The following NR1D1 variants were observed in gnomAD, a reference collection of about 807,000 sequenced individuals.
The protein encoded by NR1D1 is Rev-ErbAalpha.
A neutral mutation model predicts 51.1 loss-of-function variants in NR1D1; 17 were observed. That is an observed-to-expected ratio of 0.33 (90% confidence interval 0.23 to 0.50). The LOEUF is 0.50. Among genes scored for constraint, NR1D1 ranks in the 20% least tolerant of loss-of-function variants. The pLI, the probability that NR1D1 is intolerant of heterozygous loss-of-function variation, is 0.98. For missense variants in NR1D1, 647 were observed against 830.4 expected, an observed-to-expected ratio of 0.78 and a Z score of 2.71; for synonymous variants, 341 against 333.4, an observed-to-expected ratio of 1.02 and a Z score of -0.25.
chr17:40,096,327 C>A, intron 4 of NR1D1, 116 bp downstream of exon 4: 1 of 1,365,358 alleles, frequency 7.3e-7, no homozygotes, highest in Admixed American at 2.0e-5. Flanking sequence ...TGGACATCCC[C>A]TGGCACATGT....
Position 40,093,357 on chromosome 17 carries a change from T to C in NR1D1, c.1646-75A>G. 6.2e-7 allele frequency: 1 copy of C among 1,612,062 alleles called. No individual in the cohort carries two copies. Among genetic ancestry groups the C allele is most frequent in the Non-Finnish European group, 8.5e-7 (1 of 1,179,410 alleles). On this transcript the variant is annotated intron_variant, in intron 7 of 7. Transcript: ENST00000246672. This position sits in a 1 kb window ranked among gnomAD's most constrained non-coding sequence, Gnocchi z 5.9. ...GAGGAACCGGAGGTCTGCGAGGACC[T>C]GGCAGGCAATGCAGCCTCTCCCTGA...
Position 40,094,114 on chromosome 17 carries a change from C to T in NR1D1, c.1443G>A (p.Met481Ile), listed in dbSNP as rs1368606014. Residue 481 changes from methionine (M) to isoleucine (I), a missense_variant, in exon 7 of 8, where the codon ATG (methionine) becomes ATA (isoleucine). Coordinates refer to ENST00000246672, the MANE Select transcript of NR1D1 (RefSeq NM_021724.5). ...CGTTGAACAACGAAGCAAAGCGCAC[C>T]ATCAGCACCTAGGAGGGAAGGGGAA... is the stretch of plus-strand genomic sequence containing the variant. Reference protein sequence around the residue: ...LLKAGTFEVLMVRFASLFNVK... With the variant: ...LLKAGTFEVLIVRFASLFNVK... 1 of 1,613,910 alleles carries T rather than the reference C, an allele frequency of 6.2e-7. No individual in the cohort carries two copies. The highest frequency in any genetic ancestry group is 8.5e-7 in the Non-Finnish European group (1 of 1,180,008).
Position 40,092,949 on chromosome 17 carries a change from G to C in NR1D1, c.*134C>G. ...TTACAAGAAGGCTCAGGGGGCCAGAGGCTCATCTTGGAATATTTTATAACA... is the reference window on the plus strand; with the variant it reads ...TTACAAGAAGGCTCAGGGGGCCAGACGCTCATCTTGGAATATTTTATAACA... On this transcript the variant is annotated 3_prime_UTR_variant, in exon 8 of 8. Coordinates refer to ENST00000246672, the MANE Select transcript of NR1D1 (RefSeq NM_021724.5). The C allele has an allele frequency of 6.5e-7, 1 of 1,549,682 alleles. No individual in the cohort carries two copies. The highest frequency in any genetic ancestry group is 8.7e-7 in the Non-Finnish European group (1 of 1,146,638).
Position 40,095,662 on chromosome 17 carries a change from T to A in NR1D1, c.1030A>T (p.Asn344Tyr). ...TTATGACGCTGGGCAGCCAAGGTGT[T>A]GTTGTCATTGGGGGCAGGTGGGCAG... Reference protein sequence around the residue: ...QGCPPAPNDNNTLAAQRHNEA... With the variant: ...QGCPPAPNDNYTLAAQRHNEA... The change falls in exon 5 of 8, where the codon AAC becomes TAC. Residue 344 changes from asparagine to tyrosine, a missense_variant. By Grantham distance (143) the Asn-to-Tyr change is moderately radical. This residue lies in a region of NR1D1 where 185 missense variants were observed against 176.3 expected (regional missense o/e 1.05). Coordinates refer to ENST00000246672, the MANE Select transcript of NR1D1 (RefSeq NM_021724.5). The A allele has an allele frequency of 6.2e-7, 1 of 1,612,306 alleles. No individual in the cohort carries two copies. Among genetic ancestry groups the A allele is most frequent in the South Asian group, 1.1e-5 (1 of 90,934 alleles).
At chr17:40,099,039 A>G (rs1162578640) in intron 1 of NR1D1, among the ~76,000 whole-genome samples, 2 of 151,376 alleles carry the variant, frequency 1.3e-5, no homozygotes, top group East Asian at 3.9e-4. Flanking sequence ...GCGGACCGGA[A>G]AAGGAGGCAG....
Position 40,095,993 on chromosome 17 carries a change from G to A in NR1D1, c.699C>T (p.Ser233=), listed in dbSNP as rs1341174223. 12 of 1,612,598 alleles carry A rather than the reference G, an allele frequency of 7.4e-6. No homozygotes were observed. Among genetic ancestry groups the A allele is most frequent in the African/African-American group, 2.7e-5 (2 of 74,894 alleles). Residue 233 remains serine, a synonymous_variant, in exon 5 of 8, where the codon AGC becomes AGT. Transcript: ENST00000246672. ...AMNLANNQLS[S]QCPLETSPTQ... Reference sequence around the variant, plus strand: ...TGGGTGAAGTCTCCAGCGGGCACTGGCTGCTCAACTGGTTGTTGGCCAGGT... The same window carrying A: ...TGGGTGAAGTCTCCAGCGGGCACTGACTGCTCAACTGGTTGTTGGCCAGGT...
Position 40,100,087 on chromosome 17 carries a change from G to A in NR1D1, c.8C>T (p.Thr3Ile). ...ACCTGTGTTGTTGTTGGAGTCCAGG[G>A]TCGTCATGTCTTCACCAGCTGAGAG... MTTLDSNNNTGGV... is the reference protein window; with the variant it reads MTILDSNNNTGGV... Residue 3 changes from threonine (T) to isoleucine (I), a missense_variant, in exon 1 of 8, where the codon ACC becomes ATC. Physicochemically the swap from Thr to Ile is moderately conservative, Grantham distance 89 (BLOSUM62 -1). Transcript: ENST00000246672. 6.2e-7 allele frequency: 1 copy of A among 1,611,130 alleles called. No individual in the cohort carries two copies. The highest frequency in any genetic ancestry group is 1.7e-5 in the Admixed American group (1 of 60,028).
Position 40,097,174 on chromosome 17 carries a change from C to CGAGGAAGAT in NR1D1, c.252_260dup (p.Ser91_Ser93dup), listed in dbSNP as rs1987781324. 3 of 1,611,266 alleles carry CGAGGAAGAT rather than the reference C, an allele frequency of 1.9e-6. No individual in the cohort carries two copies. Among genetic ancestry groups the CGAGGAAGAT allele is most frequent in the Non-Finnish European group, 2.5e-6 (3 of 1,178,426 alleles). On this transcript the variant is annotated inframe_insertion, in exon 2 of 8. Transcript: ENST00000246672. The stretch of plus-strand genomic sequence containing the variant: ...TATAGAAGGAGGAGGAGGATGACGA[C>CGAGGAAGAT]GAGGAAGATGAGGAAGAAGGGGAGC...
rs1567658592 is a variant in NR1D1, at chr17:40,093,318, C to T, written c.1646-36G>A. On this transcript the variant is annotated intron_variant, in intron 7 of 7. Transcript: ENST00000246672. The surrounding 1 kb of genome is among the most constrained non-coding windows in gnomAD (Gnocchi z 5.9). Reference sequence around the variant, plus strand: ...GACGACAGCAGTGAGGCGGACTCCCCGAGCTCCTCTGAGGAGGAACCGGAG... The same window carrying T: ...GACGACAGCAGTGAGGCGGACTCCCTGAGCTCCTCTGAGGAGGAACCGGAG... 13 of 1,613,332 alleles carry T rather than the reference C, an allele frequency of 8.1e-6. No homozygotes were observed. Among genetic ancestry groups the T allele is most frequent in the East Asian group, 2.2e-5 (1 of 44,886 alleles).
rs1199095331 is a variant in NR1D1, at chr17:40,095,666, G to A, written c.1026C>T (p.Asp342=). 1.9e-6 allele frequency: 3 copies of A among 1,612,516 alleles called. No individual in the cohort carries two copies. Among genetic ancestry groups the A allele is most frequent in the Non-Finnish European group, 2.5e-6 (3 of 1,178,904 alleles). Residue 342 remains aspartate (D), a synonymous_variant, in exon 5 of 8, where the codon GAC becomes GAT. Transcript: ENST00000246672. ...GACGCTGGGCAGCCAAGGTGTTGTT[G>A]TCATTGGGGGCAGGTGGGCAGCCCT... ...ENQGCPPAPN[D]NNTLAAQRHN...
In NR1D1 at chr17:40,093,177, C is replaced by A. The variant is rs775618097; in HGVS notation, c.1751G>T (p.Arg584Leu). ...VLKNRPLETS[R>L]FTKLLLKLPD... is the part of the protein sequence containing the mutation. ...CAGCTTGAGCAGCAGCTTGGTGAAG[C>A]GGGAAGTCTCCAAGGGCCGGTTCTT... The change falls in exon 8 of 8, where the codon CGC becomes CTC. Residue 584 changes from arginine (R) to leucine (L), a missense_variant. Arg to Leu is a moderately radical substitution (Grantham distance 102, BLOSUM62 -2). This residue lies in a region of NR1D1 where 155 missense variants were observed against 236.8 expected (regional missense o/e 0.65). Transcript: ENST00000246672. This position sits in a 1 kb window ranked among gnomAD's most constrained non-coding sequence, Gnocchi z 5.9. 3 of 1,613,798 alleles carry A rather than the reference C, an allele frequency of 1.9e-6. No individual in the cohort carries two copies. Among genetic ancestry groups the A allele is most frequent in the Non-Finnish European group, 2.5e-6 (3 of 1,180,016 alleles).
chr17:40,096,048 C>T lies in NR1D1; in HGVS notation c.644G>A (p.Arg215Gln), dbSNP rs201260640. 3 of 1,612,656 alleles carry T rather than the reference C, an allele frequency of 1.9e-6. No homozygotes were observed. The highest frequency in any genetic ancestry group is 1.7e-5 in the Admixed American group (1 of 59,992). Residue 215 changes from arginine to glutamine, a missense_variant, in exon 5 of 8, where the codon CGG becomes CAG. Physicochemically the swap from Arg to Gln is conservative, Grantham distance 43 (BLOSUM62 1). This residue lies in a region of NR1D1 where 70 missense variants were observed against 134.8 expected (regional missense o/e 0.52). Coordinates refer to ENST00000246672, the MANE Select transcript of NR1D1 (RefSeq NM_021724.5). ...GGCACTCTGCATCTCAGCAAGCATC[C>T]GCTGCTTCTCTCGTTTGGGGATGCG... ...FGRIPKREKQ[R>Q]MLAEMQSAMN... is the part of the protein sequence containing the mutation.
intron 6 of NR1D1, among the ~76,000 whole-genome samples, chr17:40,094,512 C>T (rs183443704): frequency 6.6e-6 from 1 of 152,344 alleles, no homozygotes; most frequent in East Asian, 1.9e-4. Context: ...ACCAATCAGG[C>T]TATAAGGACA....
chr17:40,097,776 C>G (rs915910214), intron 1 of NR1D1, among the ~76,000 whole-genome samples: 2 of 152,124 alleles, frequency 1.3e-5, no homozygotes, highest in Non-Finnish European at 2.9e-5. Context: ...TTCAAAGTGC[C>G]CAGTCCTCCA....
chr17:40,097,243 C>A lies in NR1D1; in HGVS notation c.192G>T (p.Pro64=). The change falls in exon 2 of 8, where the codon CCG becomes CCT. Residue 64 remains proline, a synonymous_variant. Transcript: ENST00000246672. ...GTGGAATGCTCCCAAAGGAGCGAGC[C>A]GGGTCTTGGGTGAGGGAGCCAGTGG... ...PSPTGSLTQD[P]ARSFGSIPPS... is the part of the protein sequence containing the mutation. 6.2e-7 allele frequency: 1 copy of A among 1,611,480 alleles called. No individual in the cohort carries two copies. Among genetic ancestry groups the A allele is most frequent in the East Asian group, 2.2e-5 (1 of 44,826 alleles).
rs1423763067 is a variant in NR1D1, at chr17:40,093,565, T to C, written c.1646-283A>G. On this transcript the variant is annotated intron_variant, in intron 7 of 7. Coordinates refer to ENST00000246672, the MANE Select transcript of NR1D1 (RefSeq NM_021724.5). The surrounding 1 kb of genome is among the most constrained non-coding windows in gnomAD (Gnocchi z 5.9). ...AAACATGGCCAGACTCCCTTGCTTT[T>C]TGCTGTGTAGTTCCCTCTGCCTGGG... 3 of 1,000,238 alleles carry C rather than the reference T, an allele frequency of 3.0e-6. No homozygotes were observed. The highest frequency in any genetic ancestry group is 1.6e-5 in the African/African-American group (1 of 61,092). The allele number at this position is 1,000,238 out of a possible 1,614,324, so 62.0% of individuals were successfully genotyped here.
rs199633025 is a variant in NR1D1 at position 40,097,439 on chromosome 17, G to A, written c.32-36C>T. The A allele has an allele frequency of 3.4e-4, 521 of 1,533,668 alleles. 3 individuals are homozygous for A. In the South Asian group the frequency reaches 5.6e-3, roughly 17 times the overall value. The stretch of plus-strand genomic sequence containing the variant: ...AACAAAAGGAAAGGGGGTGTCAGCC[G>A]CCATGTCTCCGGACCTAGGGTGCCA... On this transcript the variant is annotated intron_variant, in intron 1 of 7. Coordinates refer to ENST00000246672, the MANE Select transcript of NR1D1 (RefSeq NM_021724.5).
intron 6 of NR1D1, among the ~76,000 whole-genome samples, chr17:40,094,562 C>T (rs1987707757): frequency 6.6e-6 from 1 of 152,192 alleles, no homozygotes; most frequent in Admixed American, 6.5e-5. Flanking sequence ...GTCCTGCCCA[C>T]CCCAGACAGC....
At position 40,093,297 on chromosome 17, in the gene NR1D1, AC is replaced by A; in HGVS notation, c.1646-16del. On this transcript the variant is annotated splice_polypyrimidine_tract_variant and intron_variant, in intron 7 of 7. Coordinates refer to ENST00000246672, the MANE Select transcript of NR1D1 (RefSeq NM_021724.5). This position sits in a 1 kb window ranked among gnomAD's most constrained non-coding sequence, Gnocchi z 5.9. ...GCCCGAGCGGTCTGTGGGGAAGACG[AC>A]AGCAGTGAGGCGGACTCCCCGAGCT... is the stretch of plus-strand genomic sequence containing the variant. 6.2e-7 allele frequency: 1 copy of A among 1,613,530 alleles called. No individual in the cohort carries two copies. The highest frequency in any genetic ancestry group is 1.3e-5 in the African/African-American group (1 of 75,054).
Sources: allele counts gnomAD v4.1 joint callset (sites outside exome capture counted in the v4.1 genomes callset), GRCh38; gene constraint gnomAD v4.1.1; regional missense constraint gnomAD v4.1.1; non-coding constraint Gnocchi (gnomAD v3.1); transcripts MANE v1.5; gene names NCBI Gene and HGNC (gene_info 2026-07-23, HGNC 2026-07-21).